VPS13A: variants seen among roughly 807,000 people sequenced by gnomAD.
VPS13A encodes the protein vacuolar protein sorting 13 homolog A.
Under a neutral mutation model 390.9 loss-of-function variants are expected in VPS13A, and 264 were observed. The observed-to-expected ratio is 0.68, with a 90% CI of 0.61 to 0.75. The LOEUF is 0.75. Among genes scored for constraint, VPS13A ranks in the 30% least tolerant of loss-of-function variants. The probability of loss-of-function intolerance (pLI) is 0.00; values close to 1 mark genes in which losing one functional copy is unlikely to be tolerated. For missense variants in VPS13A, 3,409 were observed against 3,733.9 expected, an observed-to-expected ratio of 0.91 and a Z score of 2.27; for synonymous variants, 1,231 against 1,227.1, an observed-to-expected ratio of 1.00 and a Z score of -0.07.
chr9:77,297,422 C>G (rs970268618), intron 33 of VPS13A, among the ~76,000 whole-genome samples: 1 of 152,056 alleles, frequency 6.6e-6, no homozygotes, highest in Non-Finnish European at 1.5e-5. Context: ...TCCCCCCTCC[C>G]TGTACCATGG....
chr9:77,381,253 TTC>T (rs1269594267), intron 67 of VPS13A, among the ~76,000 whole-genome samples: 2 of 152,174 alleles, frequency 1.3e-5, no homozygotes, highest in Non-Finnish European at 2.9e-5. Flanking sequence ...TGTCTGGGAC[TTC>T]TGCTGCATAC....
intron 13 of VPS13A, among the ~76,000 whole-genome samples, chr9:77,223,330 G>A (rs1041240082): frequency 3.9e-5 from 6 of 152,060 alleles, no homozygotes; most frequent in Middle Eastern, 3.2e-3. Flanking sequence ...TCAAATATAA[G>A]GAAGAATCAT....
At position 77,339,490 on chromosome 9, in the gene VPS13A, TTTTG is replaced by T. The variant is rs1361042735; in HGVS notation, c.6379-22_6379-19del. ...TTATTCTGCAACATTTTAAATTTTG[TTTTG>T]TTTTTTTTTTTTTTATTACAGGGAA... On this transcript the variant is annotated intron_variant, in intron 47 of 71. Coordinates refer to ENST00000360280, the MANE Select transcript of VPS13A (RefSeq NM_033305.3). 1.1e-3 allele frequency: 1,499 copies of T among 1,408,494 alleles called. 16 individuals are homozygous for T. The African/African-American group carries it at 0.021, about 19-fold the overall frequency. 87.2% of individuals were successfully genotyped at this position (1,408,494 alleles called of 1,614,324 possible).
Position 77,416,378 on chromosome 9 carries a change from A to G in VPS13A, c.*372A>G. 4.4e-6 allele frequency: 1 copy of G among 228,248 alleles called. No homozygotes were observed. The highest frequency in any genetic ancestry group is 5.6e-5 in the South Asian group (1 of 17,768). 14.1% of individuals were successfully genotyped at this position (228,248 alleles called of 1,614,324 possible). ...TCATCTCCACATGGAGCCAAGTTTAATGTTTCTAGTTCACATTTTGTACTT... is the reference window on the plus strand; with the variant it reads ...TCATCTCCACATGGAGCCAAGTTTAGTGTTTCTAGTTCACATTTTGTACTT... On this transcript the variant is annotated 3_prime_UTR_variant, in exon 72 of 72. Coordinates refer to ENST00000360280, the MANE Select transcript of VPS13A (RefSeq NM_033305.3).
At chr9:77,316,479 A>G in intron 39 of VPS13A, 73 bp downstream of exon 39, 1 of 1,285,466 alleles carries the variant, frequency 7.8e-7, no homozygotes, top group Non-Finnish European at 1.1e-6. Flanking sequence ...TAGGAAACAA[A>G]AACTACCTAC....
At chr9:77,354,276 G>A (rs1286646812) in intron 54 of VPS13A, among the ~76,000 whole-genome samples, 2 of 151,998 alleles carry the variant, frequency 1.3e-5, no homozygotes, top group Non-Finnish European at 2.9e-5. Context: ...TGATACAGAT[G>A]TAAATTTAGT....
chr9:77,351,112 T>C (rs1831440123), intron 52 of VPS13A: 2 of 520,312 alleles, frequency 3.8e-6, no homozygotes, highest in South Asian at 4.2e-5. Flanking sequence ...AAGTAGAACA[T>C]GTATTTTCTA....
intron 26 of VPS13A, among the ~76,000 whole-genome samples, chr9:77,276,968 C>T (rs569855169): frequency 1.3e-5 from 2 of 152,284 alleles, no homozygotes; most frequent in East Asian, 3.9e-4. Context: ...AACATATTCT[C>T]AGATTCCGGG....
chr9:77,407,255 C>T (rs1024972896), intron 70 of VPS13A, among the ~76,000 whole-genome samples: 2 of 152,168 alleles, frequency 1.3e-5, no homozygotes, highest in Admixed American at 6.5e-5. Flanking sequence ...TACCTCCTTC[C>T]CATCCTTTAT....
At position 77,351,701 on chromosome 9, in the gene VPS13A, T is replaced by C. The variant is rs1337395134; in HGVS notation, c.7419+255T>C. Among the ~76,000 whole-genome samples, 3 of 152,280 alleles carry C rather than the reference T, an allele frequency of 2.0e-5. No individual in the cohort carries two copies. In the East Asian group the frequency reaches 5.8e-4, roughly 29 times the overall value. On this transcript the variant is annotated intron_variant, in intron 53 of 71. Coordinates refer to ENST00000360280, the MANE Select transcript of VPS13A (RefSeq NM_033305.3). Reference sequence around the variant, plus strand: ...CTGGCCAATATGGTGAAACTCCGTCTCTACTAAAAATACAAAAATTAGCCT... The same window carrying C: ...CTGGCCAATATGGTGAAACTCCGTCCCTACTAAAAATACAAAAATTAGCCT...
intron 59 of VPS13A, among the ~76,000 whole-genome samples, chr9:77,361,749 A>G (rs1396982741): frequency 6.6e-6 from 1 of 152,108 alleles, no homozygotes; most frequent in Non-Finnish European, 1.5e-5. Context: ...TGCCTCCACC[A>G]TTTTACATTC....
intron 42 of VPS13A, among the ~76,000 whole-genome samples, chr9:77,320,420 T>A (rs1319140157): frequency 6.6e-6 from 1 of 152,134 alleles, no homozygotes; most frequent in Non-Finnish European, 1.5e-5. Context: ...TATATAATCA[T>A]GAGAATCGGG....
intron 45 of VPS13A, among the ~76,000 whole-genome samples, chr9:77,329,818 G>A (rs999194676): frequency 6.6e-6 from 1 of 152,154 alleles, no homozygotes; most frequent in Non-Finnish European, 1.5e-5. Flanking sequence ...TGATAGTCAG[G>A]AGAAATGGTA....
chr9:77,316,232 T>G lies in VPS13A; in HGVS notation c.4689T>G (p.Ile1563Met). The change falls in exon 39 of 72, where the codon ATT becomes ATG. Residue 1563 changes from isoleucine (I) to methionine (M), a missense_variant. Coordinates refer to ENST00000360280, the MANE Select transcript of VPS13A (RefSeq NM_033305.3). Reference sequence around the variant, plus strand: ...ATGTTATTATTAAAAATCCTGAAATTGTGTTTGTAGCTGACATGACAAAAA... The same window carrying G: ...ATGTTATTATTAAAAATCCTGAAATGGTGTTTGTAGCTGACATGACAAAAA... ...EINVIIKNPE[I>M]VFVADMTKND... The G allele has an allele frequency of 1.9e-6, 3 of 1,613,120 alleles. No homozygotes were observed. Among genetic ancestry groups the G allele is most frequent in the Non-Finnish European group, 2.5e-6 (3 of 1,179,318 alleles).
intron 1 of VPS13A, among the ~76,000 whole-genome samples, chr9:77,180,188 A>G (rs1823922067): frequency 6.9e-6 from 1 of 144,634 alleles, no homozygotes; most frequent in Non-Finnish European, 1.5e-5. Context: ...TTCATGTACA[A>G]GTTTTTTTGT....
At position 77,295,862 on chromosome 9, in the gene VPS13A, GTA is replaced by G; in HGVS notation, c.3812+20_3812+21del. ...GACTATACAGGTAAGCTTTTCACAA[GTA>G]TATTTGTGTGGAATGCAATATTTTT... On this transcript the variant is annotated intron_variant, in intron 33 of 71. Coordinates refer to ENST00000360280, the MANE Select transcript of VPS13A (RefSeq NM_033305.3). 2 of 1,611,418 alleles carry G rather than the reference GTA, an allele frequency of 1.2e-6. No individual in the cohort carries two copies. Among genetic ancestry groups the G allele is most frequent in the East Asian group, 4.5e-5 (2 of 44,826 alleles).
Position 77,260,168 on chromosome 9 carries a change from A to G in VPS13A, c.2371A>G (p.Ser791Gly). ...KLQGIMELIE[S>G]IPKPEPVTEV... is the part of the protein sequence containing the mutation. ...ACAAGGGATTATGGAATTGATTGAA[A>G]GCATTCCAAAACCTGAACCAGTAAC... Residue 791 changes from serine to glycine, a missense_variant, in exon 23 of 72, where the codon AGC (serine) becomes GGC (glycine). This residue lies in a region of VPS13A where 2,717 missense variants were observed against 2,917.4 expected (regional missense o/e 0.93). Transcript: ENST00000360280. The G allele has an allele frequency of 1.2e-6, 2 of 1,612,350 alleles. No homozygotes were observed. Among genetic ancestry groups the G allele is most frequent in the Non-Finnish European group, 1.7e-6 (2 of 1,178,712 alleles).
Position 77,337,505 on chromosome 9 carries a change from C to T in VPS13A, c.6346C>T (p.Leu2116Phe). The T allele has an allele frequency of 6.2e-7, 1 of 1,612,794 alleles. No homozygotes were observed. The highest frequency in any genetic ancestry group is 2.2e-5 in the East Asian group (1 of 44,764). Residue 2116 changes from leucine to phenylalanine, a missense_variant, in exon 47 of 72, where the codon CTT becomes TTT. Physicochemically the swap from Leu to Phe is conservative, Grantham distance 22. Coordinates refer to ENST00000360280, the MANE Select transcript of VPS13A (RefSeq NM_033305.3). ...GTGGCCACCTATCCTGCTCCGAAAT[C>T]TTCTTCCTTACAAAATTGCTTATTA... ...HLWPPILLRN[L>F]LPYKIAYYIE...
chr9:77,247,952 C>T (rs1296974370), intron 20 of VPS13A, among the ~76,000 whole-genome samples: 2 of 152,142 alleles, frequency 1.3e-5, no homozygotes, highest in African/African-American at 4.8e-5. Flanking sequence ...AGCCACCGCG[C>T]CTGGCCCGAA....
Sources: gnomAD v4.1 joint callset for allele counts (sites outside exome capture counted in the v4.1 genomes callset) on GRCh38, gnomAD v4.1.1 for gene constraint, gnomAD v4.1.1 regional missense constraint, MANE v1.5 for transcripts, NCBI Gene and HGNC (gene_info 2026-07-23, HGNC 2026-07-21) for gene names.